The following HSD11B1 variants were observed in gnomAD, a reference collection of about 807,000 sequenced individuals.
The protein encoded by HSD11B1 is hydroxysteroid 11-beta dehydrogenase 1.
HSD11B1 carries 15 observed loss-of-function variants against 22.1 expected under a neutral mutation model. The observed-to-expected ratio is 0.68, with a 90% confidence interval of 0.45 to 1.04. The LOEUF is 1.04. Among genes scored for constraint, HSD11B1 ranks in the 50% least tolerant of loss-of-function variants. HSD11B1 has a pLI of 0.00. For synonymous variants in HSD11B1, 122 were observed against 125.2 expected (o/e 0.97, Z 0.17); for missense variants, 281 against 357.6 (o/e 0.79, Z 1.73).
chr1:209,721,202 T>C (rs543633214), intron 4 of HSD11B1, among the ~76,000 whole-genome samples: 1 of 152,160 alleles, frequency 6.6e-6, no homozygotes, highest in Non-Finnish European at 1.5e-5. Flanking sequence ...AAATTTCTGT[T>C]GTCTTAAGCC....
chr1:209,723,664 G>C (rs908289250), intron 4 of HSD11B1, among the ~76,000 whole-genome samples: 1 of 152,196 alleles, frequency 6.6e-6, no homozygotes, highest in South Asian at 2.1e-4. Context: ...GCTGGAACCT[G>C]CTGTTGGTAG....
chr1:209,707,139 C>T lies in HSD11B1; in HGVS notation c.517+11C>T, dbSNP rs866057813. 5.0e-6 allele frequency: 8 copies of T among 1,605,756 alleles called. No individual in the cohort carries two copies. In the Middle Eastern group the frequency reaches 5.0e-4, roughly 99 times the overall value. The stretch of plus-strand genomic sequence containing the variant: ...TCTCCTCTCTGGCTGGTAAGTGGGA[C>T]AGGGACATATGTGGAAGGTAGAAGA... On this transcript the variant is annotated intron_variant, in intron 4 of 5. Coordinates refer to ENST00000367027, the MANE Select transcript of HSD11B1 (RefSeq NM_005525.4).
intron 1 of HSD11B1, among the ~76,000 whole-genome samples, chr1:209,698,516 G>C (rs866064230): frequency 1.5e-4 from 23 of 152,336 alleles, no homozygotes; most frequent in Middle Eastern, 6.8e-3. Context: ...CCCTGTGGTG[G>C]TCATGCTGAG....
At chr1:209,721,284 G>A (rs963514715) in intron 4 of HSD11B1, among the ~76,000 whole-genome samples, 1 of 151,994 alleles carries the variant, frequency 6.6e-6, no homozygotes, top group African/African-American at 2.4e-5. Context: ...TGACTGTATT[G>A]TGATTATGTA....
At chr1:209,733,639 C>A (rs2077049153) in intron 5 of HSD11B1, among the ~76,000 whole-genome samples, 1 of 152,140 alleles carries the variant, frequency 6.6e-6, no homozygotes, top group Non-Finnish European at 1.5e-5. Flanking sequence ...ATTTTTACAA[C>A]TTTTCTGTTA....
chr1:209,733,107 A>T (rs897265733), intron 5 of HSD11B1, among the ~76,000 whole-genome samples: 1 of 152,146 alleles, frequency 6.6e-6, no homozygotes, highest in Non-Finnish European at 1.5e-5. Flanking sequence ...TGAACACCTT[A>T]TGTCCTCATG....
intron 2 of HSD11B1, 38 bp downstream of exon 2, chr1:209,705,979 A>T: frequency 6.2e-7 from 1 of 1,612,682 alleles, no homozygotes; most frequent in South Asian, 1.1e-5. Context: ...GTACCGTCAC[A>T]TGCTCAGATG....
At chr1:209,713,223 T>C (rs2102379952) in intron 4 of HSD11B1, among the ~76,000 whole-genome samples, 1 of 152,332 alleles carries the variant, frequency 6.6e-6, no homozygotes, top group African/African-American at 2.4e-5. Flanking sequence ...TAACTAGTTG[T>C]ACTATATATT....
At chr1:209,688,834 T>C (rs1309531964) in intron 1 of HSD11B1, among the ~76,000 whole-genome samples, 1 of 152,272 alleles carries the variant, frequency 6.6e-6, no homozygotes, top group African/African-American at 2.4e-5. Flanking sequence ...ACTGGGAACA[T>C]GGGAACAACA....
chr1:209,690,634 T>C (rs969544794), intron 1 of HSD11B1, among the ~76,000 whole-genome samples: 1 of 151,384 alleles, frequency 6.6e-6, no homozygotes, highest in Non-Finnish European at 1.5e-5. Context: ...AAGGCAGAGG[T>C]TGCAGGGAGC....
chr1:209,722,919 G>A (rs1453399979), intron 4 of HSD11B1, among the ~76,000 whole-genome samples: 2 of 152,190 alleles, frequency 1.3e-5, no homozygotes, highest in Non-Finnish European at 2.9e-5. Context: ...GGGATGGAGG[G>A]TAGAGAGGGG....
intron 1 of HSD11B1, among the ~76,000 whole-genome samples, chr1:209,687,074 CT>C (rs909982181): frequency 1.3e-5 from 2 of 152,216 alleles, no homozygotes; most frequent in Admixed American, 1.3e-4. Flanking sequence ...CAAACCTTCA[CT>C]TGCCATCAAT....
At chr1:209,734,261 T>G (rs780693806) in intron 5 of HSD11B1, 43 bp from the exon 6 acceptor site, 12 of 1,499,520 alleles carry the variant, frequency 8.0e-6, no homozygotes, top group Non-Finnish European at 1.1e-5. Context: ...TCATGTAGAC[T>G]GTCCTAGTCA....
chr1:209,720,796 A>T (rs2076960288), intron 4 of HSD11B1, among the ~76,000 whole-genome samples: 1 of 152,144 alleles, frequency 6.6e-6, no homozygotes, highest in Non-Finnish European at 1.5e-5. Flanking sequence ...TGGATATGTC[A>T]GTATTACTGT....
chr1:209,719,379 T>C (rs866344999), intron 4 of HSD11B1, among the ~76,000 whole-genome samples: 7 of 152,014 alleles, frequency 4.6e-5, no homozygotes, highest in Non-Finnish European at 7.4e-5. Flanking sequence ...CTTAGAGTGG[T>C]GAAAGTTATA....
chr1:209,733,588 C>G (rs914286139), intron 5 of HSD11B1, among the ~76,000 whole-genome samples: 2 of 152,014 alleles, frequency 1.3e-5, no homozygotes, highest in African/African-American at 4.8e-5. Flanking sequence ...GTGTTGCAAC[C>G]AGGGGGAGCA....
At chr1:209,707,919 A>G (rs1246166745) in intron 4 of HSD11B1, among the ~76,000 whole-genome samples, 1 of 143,792 alleles carries the variant, frequency 7.0e-6, no homozygotes, top group African/African-American at 2.5e-5. Flanking sequence ...AATAAAATGA[A>G]CAACAAGAAA....
upstream of HSD11B1, among the ~76,000 whole-genome samples, chr1:209,702,329 C>T (rs182298089): frequency 1.7e-4 from 26 of 152,246 alleles, no homozygotes; most frequent in East Asian, 4.8e-3. Flanking sequence ...AACACTAAAA[C>T]AGCAAGTTTA....
chr1:209,726,988 T>C (rs1207251719), intron 4 of HSD11B1, among the ~76,000 whole-genome samples: 1 of 152,172 alleles, frequency 6.6e-6, no homozygotes, highest in East Asian at 1.9e-4. Context: ...CCCCAAAAGA[T>C]ATATCCACCT....
Sources: allele counts gnomAD v4.1 joint callset (sites outside exome capture counted in the v4.1 genomes callset), GRCh38; gene constraint gnomAD v4.1.1; transcripts MANE v1.5; gene names NCBI Gene and HGNC (gene_info 2026-07-23, HGNC 2026-07-21).